Variants in INTS1 observed in about 807,000 individuals in gnomAD.
INTS1 encodes integrator complex subunit 1.
A neutral mutation model predicts 241.6 loss-of-function variants in INTS1; 137 were observed. The ratio of observed to expected loss-of-function variants is 0.57; its 90% CI spans 0.49 to 0.65. INTS1 has a LOEUF of 0.65. INTS1 is among the 30% of genes least tolerant of loss of function. The pLI, the probability that INTS1 is intolerant of heterozygous loss-of-function variation, is 0.00. For synonymous variants in INTS1, 1,692 were observed against 1,337.8 expected (o/e 1.26, Z -5.78); for missense variants, 3,073 against 3,032.2 (o/e 1.01, Z -0.32).
rs1415583716 is a variant in INTS1 at position 1,477,844 on chromosome 7, G to C, written c.4723C>G (p.Pro1575Ala). 6.2e-7 allele frequency: 1 copy of C among 1,612,612 alleles called. No homozygotes were observed. Among genetic ancestry groups the C allele is most frequent in the East Asian group, 2.2e-5 (1 of 44,880 alleles). ...ACCACCACAACGGGCTTACAGGCTG[G>C]AAACGGGGAGGCAGCATCCGCAGTG... ...SATADAASPFPACKPVVVVSS... is the reference protein window; with the variant it reads ...SATADAASPFAACKPVVVVSS... The change falls in exon 34 of 48, where the codon CCA (proline) becomes GCA (alanine). Residue 1575 changes from proline to alanine, a missense_variant. By Grantham distance (27) the Pro-to-Ala change is conservative. Transcript: ENST00000404767.
At chr7:1,473,302 G>A (rs1781559701) in intron 42 of INTS1, 118 bp from the exon 43 acceptor site, 6 of 598,948 alleles carry the variant, frequency 1.0e-5, no homozygotes, top group Non-Finnish European at 2.9e-6. Flanking sequence ...GAGAGGCCAG[G>A]ACGCTCAGAG....
At chr7:1,472,533 G>A (rs1445142001) in intron 43 of INTS1, 147 bp from the exon 44 acceptor site, 3 of 596,784 alleles carry the variant, frequency 5.0e-6, no homozygotes, top group East Asian at 2.9e-5. Context: ...AAATGGGGTG[G>A]AGCCAGGAGC....
At chr7:1,490,604 C>T (rs750239767) in intron 16 of INTS1, among the ~76,000 whole-genome samples, 14 of 152,230 alleles carry the variant, frequency 9.2e-5, no homozygotes, top group South Asian at 2.1e-4. Flanking sequence ...AATCCTCCCA[C>T]GTGCACGGAT....
chr7:1,472,391 A>AAG lies in INTS1; in HGVS notation c.6071-7_6071-6dup, dbSNP rs1347946926. 3 of 1,535,180 alleles carry AAG rather than the reference A, an allele frequency of 2.0e-6. No homozygotes were observed. In the Admixed American group the frequency reaches 5.9e-5, roughly 30 times the overall value. On this transcript the variant is annotated splice_region_variant and splice_polypyrimidine_tract_variant and intron_variant, in intron 43 of 47. Coordinates refer to ENST00000404767, the MANE Select transcript of INTS1 (RefSeq NM_001080453.3). ...AGGAGCCGGCTGAGCTCTCCTCTGG[A>AAG]AGACAGTGGCAGTGCTGCAGGAGGG...
intron 44 of INTS1, among the ~76,000 whole-genome samples, chr7:1,471,972 C>T (rs898485537): frequency 2.6e-5 from 4 of 152,238 alleles, no homozygotes; most frequent in African/African-American, 9.6e-5. Context: ...CGGTACTGCC[C>T]ACCCGCTGGT....
At chr7:1,471,740 C>A (rs1781476608) in intron 44 of INTS1, 99 bp from the exon 45 acceptor site, 11 of 1,134,250 alleles carry the variant, frequency 9.7e-6, no homozygotes, top group African/African-American at 1.5e-5. Context: ...CCGAGCACCA[C>A]AGGACAGAAA....
intron 40 of INTS1, 102 bp from the exon 41 acceptor site, chr7:1,474,462 C>T: frequency 7.9e-7 from 1 of 1,272,246 alleles, no homozygotes; most frequent in Non-Finnish European, 1.0e-6. Flanking sequence ...AGACCCCGTG[C>T]TGCCCCCCAA....
At chr7:1,488,561 T>C (rs1403540954) in intron 18 of INTS1, among the ~76,000 whole-genome samples, 1 of 151,832 alleles carries the variant, frequency 6.6e-6, no homozygotes, top group African/African-American at 2.4e-5. Flanking sequence ...CACAAAACCA[T>C]GGGCAGACAC....
chr7:1,472,629 G>A (rs1027269954), intron 43 of INTS1, among the ~76,000 whole-genome samples: 8 of 152,180 alleles, frequency 5.3e-5, no homozygotes, highest in Admixed American at 1.3e-4. Flanking sequence ...GACCCACTGG[G>A]CACAAGACGG....
At chr7:1,503,322 C>T (rs1047932401) in intron 2 of INTS1, 131 bp from the exon 3 acceptor site, 63 of 945,038 alleles carry the variant, frequency 6.7e-5, no homozygotes, top group Admixed American at 3.5e-4. Context: ...AGCCAGAGCT[C>T]ACTCAGCAGC....
chr7:1,472,442 G>A (rs1278641876), intron 43 of INTS1, 56 bp from the exon 44 acceptor site: 1 of 1,273,626 alleles, frequency 7.9e-7, no homozygotes, highest in Non-Finnish European at 1.1e-6. Context: ...GTGCCACACT[G>A]AGGCACCAGG....
At chr7:1,494,452 G>T in intron 14 of INTS1, 1 of 351,300 alleles carries the variant, frequency 2.8e-6, no homozygotes, top group Non-Finnish European at 5.4e-6. Flanking sequence ...GCCGGCTGGG[G>T]AAGGACAGTG....
At chr7:1,471,742 G>A in intron 44 of INTS1, 101 bp from the exon 45 acceptor site, 2 of 1,099,582 alleles carry the variant, frequency 1.8e-6, no homozygotes, top group Non-Finnish European at 1.4e-6. Flanking sequence ...GAGCACCACA[G>A]GACAGAAAGC....
chr7:1,494,743 G>T, intron 14 of INTS1, 73 bp downstream of exon 14: 1 of 1,463,516 alleles, frequency 6.8e-7, no homozygotes, highest in Non-Finnish European at 9.3e-7. Context: ...GGCCCTTCCT[G>T]CCGCAGCCGG....
chr7:1,495,029 C>T, intron 13 of INTS1, 136 bp from the exon 14 acceptor site: 1 of 972,632 alleles, frequency 1.0e-6, no homozygotes, highest in Non-Finnish European at 1.6e-6. Flanking sequence ...AGCTCAGCAC[C>T]TCCTCACAGC....
intron 40 of INTS1, 109 bp from the exon 41 acceptor site, chr7:1,474,469 C>G (rs1279695152): frequency 2.6e-6 from 3 of 1,161,514 alleles, no homozygotes; most frequent in African/African-American, 5.2e-5. Context: ...GTGCTGCCCC[C>G]CAACCACCCT....
chr7:1,488,645 C>G (rs575950148), intron 18 of INTS1, among the ~76,000 whole-genome samples: 1 of 152,300 alleles, frequency 6.6e-6, no homozygotes, highest in South Asian at 2.1e-4. Flanking sequence ...CTGGTCCCCA[C>G]AATACCAGGG....
chr7:1,504,211 C>G, intron 1 of INTS1, 112 bp downstream of exon 1: 1 of 528,406 alleles, frequency 1.9e-6, no homozygotes, highest in Non-Finnish European at 3.3e-6. Flanking sequence ...ACGCGGACGC[C>G]GGGCTGGAGG....
rs570203007 is a variant in INTS1, at chr7:1,481,609, G to A, written c.3704-121C>T. 1.1e-5 allele frequency: 10 copies of A among 914,158 alleles called. No individual in the cohort carries two copies. The highest frequency in any genetic ancestry group is 3.4e-5 in the African/African-American group (2 of 58,128). 56.6% of individuals were successfully genotyped at this position (914,158 alleles called of 1,614,324 possible). On this transcript the variant is annotated intron_variant, in intron 27 of 47. Coordinates refer to ENST00000404767, the MANE Select transcript of INTS1 (RefSeq NM_001080453.3). The surrounding 1 kb of genome is among the most constrained non-coding windows in gnomAD (Gnocchi z 6.8). ...CCACCCACCTGAGACCCTGGGCCAC[G>A]TGGGCTCGGTGACCCCACCCAAGAC...
Sources: gnomAD v4.1 joint callset for allele counts (sites outside exome capture counted in the v4.1 genomes callset) on GRCh38, gnomAD v4.1.1 for gene constraint, Gnocchi (gnomAD v3.1) non-coding constraint, MANE v1.5 for transcripts, NCBI Gene and HGNC (gene_info 2026-07-23, HGNC 2026-07-21) for gene names.